The following PCDHA2 variants were observed in gnomAD, a reference collection of about 807,000 sequenced individuals.
The protein encoded by PCDHA2 is protocadherin alpha-2.
A neutral mutation model predicts 66.0 loss-of-function variants in PCDHA2; 58 were observed. The ratio of observed to expected loss-of-function variants is 0.88; its 90% CI spans 0.71 to 1.09. The LOEUF (loss-of-function observed/expected upper bound fraction) is 1.09, where lower values mean the gene tolerates loss of function less well. PCDHA2 is among the 50% of genes least tolerant of loss of function. The pLI is 0.00. For missense variants in PCDHA2, 1,267 were observed against 1,242.3 expected, an observed-to-expected ratio of 1.02 and a Z score of -0.30; for synonymous variants, 634 against 554.0, an observed-to-expected ratio of 1.14 and a Z score of -2.03.
rs113297104 is a variant in PCDHA2 at position 140,984,945 on chromosome 5, CT to C, written c.2536+2392del. On this transcript the variant is annotated intron_variant, in intron 3 of 3. Transcript: ENST00000526136. The stretch of plus-strand genomic sequence containing the variant: ...GACATATAGTTAATAAATGTCTAAT[CT>C]TTTTTTTTTGAGACAGAGTCTCGCT... Among the ~76,000 whole-genome samples the C allele has an allele frequency of 9.4e-3, 1,407 of 149,276 alleles. 15 individuals are homozygous for C. Among genetic ancestry groups the C allele is most frequent in the East Asian group, 0.044 (226 of 5,092 alleles).
At chr5:140,809,111 G>A in intron 1 of PCDHA2, 1 of 1,613,938 alleles carries the variant, frequency 6.2e-7, no homozygotes, top group African/African-American at 1.3e-5. Context: ...CGAAACGGAC[G>A]CTCCGCGCCA....
At chr5:140,856,001 C>T (rs782376274) in intron 1 of PCDHA2, 7 of 1,515,190 alleles carry the variant, frequency 4.6e-6, no homozygotes, top group African/African-American at 1.4e-5. Context: ...ATCGTATGTG[C>T]GTTCTAGACC....
chr5:140,988,623 T>C (rs147544785), intron 3 of PCDHA2, among the ~76,000 whole-genome samples: 188 of 152,312 alleles, frequency 1.2e-3, no homozygotes, highest in African/African-American at 3.6e-3. Context: ...AGAATGGAGA[T>C]GTCCTGGTTT....
At chr5:141,004,833 C>A (rs1421886072) in intron 3 of PCDHA2, among the ~76,000 whole-genome samples, 1 of 152,168 alleles carries the variant, frequency 6.6e-6, no homozygotes, top group Non-Finnish European at 1.5e-5. Flanking sequence ...TTAGATAGAT[C>A]AAAGTCATTA....
At chr5:140,869,020 T>C in intron 1 of PCDHA2, 8 of 1,525,458 alleles carry the variant, frequency 5.2e-6, no homozygotes, top group Non-Finnish European at 7.0e-6. Flanking sequence ...TTCTTAAGAA[T>C]TCAACGAGAT....
At chr5:140,891,888 T>C (rs1562860973) in intron 1 of PCDHA2, among the ~76,000 whole-genome samples, 1 of 152,212 alleles carries the variant, frequency 6.6e-6, no homozygotes, top group Non-Finnish European at 1.5e-5. Context: ...CATGTGACGA[T>C]GCAGCAAGAA....
chr5:140,882,882 T>C (rs1554175954), intron 1 of PCDHA2: 2 of 1,614,206 alleles, frequency 1.2e-6, no homozygotes, highest in Non-Finnish European at 1.7e-6. Context: ...AGAGAGGAAA[T>C]TCAGGAACAT....
At chr5:140,944,226 C>T (rs988249626) in intron 1 of PCDHA2, among the ~76,000 whole-genome samples, 3 of 152,126 alleles carry the variant, frequency 2.0e-5, no homozygotes, top group Admixed American at 2.0e-4. Flanking sequence ...TTTACTCTGT[C>T]GCTCAGGCTG....
intron 1 of PCDHA2, among the ~76,000 whole-genome samples, chr5:140,878,675 G>C (rs1582445027): frequency 6.6e-6 from 1 of 152,048 alleles, no homozygotes; most frequent in East Asian, 1.9e-4. Flanking sequence ...TTTAACCAGG[G>C]AATAAAGTCT....
At chr5:140,802,665 G>A (rs1554122266) in intron 1 of PCDHA2, 1 of 1,613,518 alleles carries the variant, frequency 6.2e-7, no homozygotes, top group African/African-American at 1.3e-5. Context: ...GAACGCCCTG[G>A]TGTCCTACTC....
chr5:140,856,518 C>T, intron 1 of PCDHA2: 1 of 1,598,510 alleles, frequency 6.3e-7, no homozygotes, highest in Non-Finnish European at 8.6e-7. Flanking sequence ...GAAGGCGCAT[C>T]TGATGCGGAT....
Position 140,858,030 on chromosome 5 carries a change from C to T in PCDHA2, c.2388+60678C>T, listed in dbSNP as rs534379807. 197 of 1,597,024 alleles carry T rather than the reference C, an allele frequency of 1.2e-4. 17 individuals are homozygous for T. Among genetic ancestry groups the T allele is most frequent in the Middle Eastern group, 3.3e-4 (2 of 5,996 alleles). On this transcript the variant is annotated intron_variant, in intron 1 of 3. Coordinates refer to ENST00000526136, the MANE Select transcript of PCDHA2 (RefSeq NM_018905.3). ...CATGGCGAGCCGTCGCTGACGGCCA[C>T]GGCCACTGTGCTTGTGTCGCTTGTG...
chr5:140,825,260 A>G (rs1768492888), intron 1 of PCDHA2: 1 of 151,070 alleles, frequency 6.6e-6, no homozygotes, highest in African/African-American at 2.4e-5. Flanking sequence ...TTGTGTAGGT[A>G]TGTGATTGGT....
chr5:140,808,046 C>T (rs1764088049), intron 1 of PCDHA2: 1 of 1,613,822 alleles, frequency 6.2e-7, no homozygotes, highest in Admixed American at 1.7e-5. Context: ...TGATATTTCG[C>T]CAAATGTGAA....
chr5:140,813,976 C>G (rs1765414917), intron 1 of PCDHA2: 1 of 152,588 alleles, frequency 6.6e-6, no homozygotes, highest in Non-Finnish European at 1.5e-5. Flanking sequence ...CCAGCCTGAG[C>G]AACAGAGTGA....
At position 140,797,258 on chromosome 5, in the gene PCDHA2, C is replaced by A. The variant is rs146594045; in HGVS notation, c.2294C>A (p.Pro765His). The change falls in exon 1 of 4, where the codon CCC becomes CAC. Residue 765 changes from proline to histidine, a missense_variant. Coordinates refer to ENST00000526136, the MANE Select transcript of PCDHA2 (RefSeq NM_018905.3). ...AGGGTGTGCTCTGGGGAGGACCCCC[C>A]CAAGACGGACCTCATGGCCTTCAGC... The part of the protein sequence containing the change: ...RQRVCSGEDP[P>H]KTDLMAFSPS... 6 of 1,614,092 alleles carry A rather than the reference C, an allele frequency of 3.7e-6. No homozygotes were observed. The highest frequency in any genetic ancestry group is 4.5e-5 in the East Asian group (2 of 44,880).
At chr5:140,968,106 C>T (rs1554230344) in intron 1 of PCDHA2, 8 of 1,614,016 alleles carry the variant, frequency 5.0e-6, no homozygotes, top group East Asian at 2.2e-5. Flanking sequence ...GGGGGAATAC[C>T]GCAGCTCACA....
chr5:140,920,858 A>AG (rs2079893810), intron 1 of PCDHA2, among the ~76,000 whole-genome samples: 1 of 151,604 alleles, frequency 6.6e-6, no homozygotes, highest in African/African-American at 2.4e-5. Context: ...AAAAAAAAAA[A>AG]CAAACAAACT....
chr5:140,904,265 T>C (rs2070995327), intron 1 of PCDHA2, among the ~76,000 whole-genome samples: 1 of 152,118 alleles, frequency 6.6e-6, no homozygotes, highest in Non-Finnish European at 1.5e-5. Context: ...CTCCCACTTA[T>C]GAATGAGAAC....
Sources: allele counts gnomAD v4.1 joint callset (sites outside exome capture counted in the v4.1 genomes callset), GRCh38; gene constraint gnomAD v4.1.1; transcripts MANE v1.5; gene names NCBI Gene and HGNC (gene_info 2026-07-23, HGNC 2026-07-21).